The following EYS variants were observed in gnomAD, a reference collection of about 807,000 sequenced individuals.
EYS encodes the protein protein eyes shut homolog.
A neutral mutation model predicts 282.1 loss-of-function variants in EYS; 250 were observed. That is an observed-to-expected ratio of 0.89 (90% CI 0.80 to 0.98). The LOEUF is 0.98. EYS is among the 50% of genes least tolerant of loss of function. The pLI is 0.00. For missense variants in EYS, 4,016 were observed against 3,709.0 expected (o/e 1.08, Z -2.15); for synonymous variants, 1,355 against 1,282.9 (o/e 1.06, Z -1.20).
chr6:64,893,096 T>C (rs1296827021), intron 18 of EYS, among the ~76,000 whole-genome samples: 1 of 152,104 alleles, frequency 6.6e-6, no homozygotes, highest in African/African-American at 2.4e-5. Context: ...AGTAGATGGA[T>C]ACTATTGTGA....
At chr6:64,257,901 G>T (rs1334186028) in intron 30 of EYS, among the ~76,000 whole-genome samples, 1 of 151,866 alleles carries the variant, frequency 6.6e-6, no homozygotes, top group East Asian at 1.9e-4. Flanking sequence ...CTTAATTGTT[G>T]ACAACTAAAA....
chr6:64,925,877 C>T (rs191553158), intron 15 of EYS, among the ~76,000 whole-genome samples: 1 of 152,240 alleles, frequency 6.6e-6, no homozygotes, highest in East Asian at 1.9e-4. Flanking sequence ...GTGCAAGCAC[C>T]AGCCCCAGTA....
At chr6:64,208,952 G>T (rs1357301656) in intron 31 of EYS, among the ~76,000 whole-genome samples, 1 of 151,998 alleles carries the variant, frequency 6.6e-6, no homozygotes, top group Admixed American at 6.6e-5. Flanking sequence ...ATGTTCTCTT[G>T]CAATGAAATG....
rs949299136 is a variant in EYS at position 64,397,202 on chromosome 6, T to C, written c.5928-8362A>G. On this transcript the variant is annotated intron_variant, in intron 28 of 42. Transcript: ENST00000503581. ...GTAAGTTTAACTTGGTTATGATATATGGCTTTCTTATATAACAGTGGATTT... is the reference window on the plus strand; with the variant it reads ...GTAAGTTTAACTTGGTTATGATATACGGCTTTCTTATATAACAGTGGATTT... 5.3e-5 allele frequency among the ~76,000 whole-genome samples: 8 copies of C among 152,094 alleles called. No homozygotes were observed. The East Asian group carries it at 7.7e-4, about 15-fold the overall frequency.
intron 14 of EYS, among the ~76,000 whole-genome samples, chr6:64,975,232 G>T (rs1003590846): frequency 1.3e-5 from 2 of 151,512 alleles, no homozygotes; most frequent in Non-Finnish European, 1.5e-5. Flanking sequence ...ATATAAAAAC[G>T]ATAATTTTGT....
At chr6:65,234,932 T>A (rs921505680) in intron 12 of EYS, among the ~76,000 whole-genome samples, 1 of 152,140 alleles carries the variant, frequency 6.6e-6, no homozygotes, top group African/African-American at 2.4e-5. Flanking sequence ...TGCCTGCAAG[T>A]AAGAATATAG....
At chr6:64,689,248 G>A (rs1770278469) in intron 22 of EYS, among the ~76,000 whole-genome samples, 1 of 152,000 alleles carries the variant, frequency 6.6e-6, no homozygotes, top group African/African-American at 2.4e-5. Flanking sequence ...AAAATACCTG[G>A]GAATCCAACT....
chr6:65,619,111 G>C lies in EYS; in HGVS notation c.-333+20667C>G, dbSNP rs569424031. On this transcript the variant is annotated intron_variant, in intron 2 of 42. Coordinates refer to ENST00000503581, the MANE Select transcript of EYS (RefSeq NM_001142800.2). ...GAAGAAAGGCATTGGTAGATTGATTGGGATGGCATTGAATCTGCAAATTAC... is the reference window on the plus strand; with the variant it reads ...GAAGAAAGGCATTGGTAGATTGATTCGGATGGCATTGAATCTGCAAATTAC... Among the ~76,000 whole-genome samples, 919 of 151,882 alleles carry C rather than the reference G, an allele frequency of 6.1e-3. 11 individuals are homozygous for C. The highest frequency in any genetic ancestry group is 0.021 in the African/African-American group (867 of 41,394).
intron 26 of EYS, among the ~76,000 whole-genome samples, chr6:64,529,708 T>C (rs1458511477): frequency 6.6e-6 from 1 of 152,040 alleles, no homozygotes; most frequent in East Asian, 1.9e-4. Flanking sequence ...CAGTGCTATA[T>C]GAGTTTTTGT....
chr6:64,105,759 G>T (rs955351061), intron 31 of EYS, among the ~76,000 whole-genome samples: 1 of 152,066 alleles, frequency 6.6e-6, no homozygotes, highest in African/African-American at 2.4e-5. Context: ...TTCATGACAT[G>T]ATAGCTCATT....
At position 64,592,126 on chromosome 6, in the gene EYS, A is replaced by C. The variant is rs896824875; in HGVS notation, c.3878-137T>G. On this transcript the variant is annotated intron_variant, in intron 25 of 42. Transcript: ENST00000503581. ...GTAGACAAATATGGTTCTGTAAATC[A>C]TATTTCTAATAAAAGTACATGAGGA... The C allele has an allele frequency of 5.6e-6, 3 of 539,258 alleles. No homozygotes were observed. In the African/African-American group the frequency reaches 5.7e-5, roughly 10 times the overall value. 33.4% of individuals were successfully genotyped at this position (539,258 alleles called of 1,614,324 possible).
intron 26 of EYS, among the ~76,000 whole-genome samples, chr6:64,487,909 T>C (rs2150503921): frequency 6.6e-6 from 1 of 151,160 alleles, no homozygotes; most frequent in East Asian, 1.9e-4. Flanking sequence ...ACCTTTGTTT[T>C]TCTAGAATAA....
intron 33 of EYS, among the ~76,000 whole-genome samples, chr6:64,031,612 C>G (rs1769843520): frequency 6.6e-6 from 1 of 152,150 alleles, no homozygotes; most frequent in Non-Finnish European, 1.5e-5. Context: ...CTTGCAGAAC[C>G]TTTATGTCTA....
chr6:63,760,584 C>T (rs1436072310), intron 41 of EYS, among the ~76,000 whole-genome samples: 3 of 151,896 alleles, frequency 2.0e-5, no homozygotes, highest in Non-Finnish European at 4.4e-5. Context: ...TCTAGACTTT[C>T]TTTCTGTAAA....
Position 63,721,577 on chromosome 6 carries a change from AT to A in EYS, c.8453del (p.Asn2818IlefsTer12), listed in dbSNP as rs1768392927. 6.4e-7 allele frequency: 1 copy of A among 1,551,588 alleles called. No homozygotes were observed. The highest frequency in any genetic ancestry group is 2.0e-5 in the Admixed American group (1 of 50,960). On this transcript the variant is annotated frameshift_variant, in exon 43 of 43. Transcript: ENST00000503581. LOFTEE classifies it low-confidence loss of function (END_TRUNC). The stretch of plus-strand genomic sequence containing the variant: ...ATACTCCTCCAATATAGAAGTCTGT[AT>A]TTGTGTCCAGAGAACTCATTTTAGT... ...ASTKMSSLDTNTDFYIGGVSS... is the reference protein window; with the variant it reads ...ASTKMSSLDTXTDFYIGGVSS...
At chr6:64,843,041 G>A (rs1765612661) in intron 19 of EYS, among the ~76,000 whole-genome samples, 1 of 152,114 alleles carries the variant, frequency 6.6e-6, no homozygotes, top group African/African-American at 2.4e-5. Context: ...GACCCAGAAT[G>A]CTAGAAGGAA....
chr6:63,959,569 T>C (rs1338100054), intron 35 of EYS, among the ~76,000 whole-genome samples: 1 of 152,320 alleles, frequency 6.6e-6, no homozygotes, highest in East Asian at 1.9e-4. Flanking sequence ...GCATGTATGT[T>C]TATTACAGCA....
At chr6:64,682,819 C>T (rs112854765) in intron 22 of EYS, among the ~76,000 whole-genome samples, 1,884 of 152,220 alleles carry the variant, frequency 0.012, 29 homozygotes, top group Admixed American at 0.043. Context: ...AATAAACTTC[C>T]GCTCCTGCTC....
At chr6:64,188,722 A>G (rs1054481173) in intron 31 of EYS, among the ~76,000 whole-genome samples, 1 of 151,998 alleles carries the variant, frequency 6.6e-6, no homozygotes, top group African/African-American at 2.4e-5. Context: ...GCTTGATTAA[A>G]AGCCTGACAT....
Sources: allele counts gnomAD v4.1 joint callset (sites outside exome capture counted in the v4.1 genomes callset), GRCh38; gene constraint gnomAD v4.1.1; transcripts MANE v1.5; gene names NCBI Gene and HGNC (gene_info 2026-07-23, HGNC 2026-07-21).